The following ADAMTS17 variants were observed in gnomAD, a reference collection of about 807,000 sequenced individuals.
The protein encoded by ADAMTS17 is A disintegrin and metalloproteinase with thrombospondin motifs 17.
In ADAMTS17, 113 loss-of-function variants were observed where a neutral mutation model predicts 141.5. The ratio of observed to expected loss-of-function variants is 0.80; its 90% CI spans 0.69 to 0.93. The LOEUF (loss-of-function observed/expected upper bound fraction) is 0.93, where lower values mean the gene tolerates loss of function less well. Among genes scored for constraint, ADAMTS17 ranks in the 40% least tolerant of loss-of-function variants. The probability of loss-of-function intolerance (pLI) is 0.00; values close to 1 mark genes in which losing one functional copy is unlikely to be tolerated. For missense variants in ADAMTS17, 1,659 were observed against 1,517.9 expected, an observed-to-expected ratio of 1.09 and a Z score of -1.54; for synonymous variants, 768 against 630.6, an observed-to-expected ratio of 1.22 and a Z score of -3.27.
chr15:100,165,791 G>A lies in ADAMTS17; in HGVS notation c.1182-10471C>T, dbSNP rs143379770. On this transcript the variant is annotated intron_variant, in intron 8 of 21. Coordinates refer to ENST00000268070, the MANE Select transcript of ADAMTS17 (RefSeq NM_139057.4). ...GATATGAGGGAACAAAGCCAGTTCA[G>A]GTGAAAAGGCTGTAGGATGTTAAGA... 3.4e-3 allele frequency among the ~76,000 whole-genome samples: 523 copies of A among 152,278 alleles called. 4 individuals are homozygous for A. Among genetic ancestry groups the A allele is most frequent in the African/African-American group, 0.012 (501 of 41,540 alleles).
intron 12 of ADAMTS17, among the ~76,000 whole-genome samples, chr15:100,129,948 G>C (rs2037950562): frequency 1.3e-5 from 2 of 152,144 alleles, no homozygotes. Flanking sequence ...TTCTTCACGA[G>C]GCCAGAGGTC....
chr15:100,309,626 C>T (rs907764220), intron 3 of ADAMTS17, among the ~76,000 whole-genome samples: 53 of 152,210 alleles, frequency 3.5e-4, no homozygotes, highest in African/African-American at 1.1e-3. Flanking sequence ...ATGTGGACAA[C>T]GTACAAAGGC....
chr15:100,082,283 C>T (rs899410330), intron 15 of ADAMTS17, among the ~76,000 whole-genome samples: 3 of 152,126 alleles, frequency 2.0e-5, no homozygotes, highest in African/African-American at 7.2e-5. Flanking sequence ...CCAGGATGGT[C>T]TCCATCTCTT....
intron 21 of ADAMTS17, among the ~76,000 whole-genome samples, chr15:99,975,658 C>T (rs2060307065): frequency 6.6e-6 from 1 of 152,198 alleles, no homozygotes; most frequent in African/African-American, 2.4e-5. Context: ...AAGCATCAGC[C>T]TGGGGTGTGC....
intron 4 of ADAMTS17, among the ~76,000 whole-genome samples, chr15:100,275,853 A>T (rs1171595158): frequency 3.3e-5 from 5 of 149,754 alleles, no homozygotes; most frequent in Non-Finnish European, 5.9e-5. Flanking sequence ...TTGATGCCAA[A>T]TTCTCCCAGC....
At chr15:99,974,602 GCCTAGGCATGT>G (rs1424777622) in intron 21 of ADAMTS17, 40 bp from the exon 22 acceptor site, 9 of 1,613,296 alleles carry the variant, frequency 5.6e-6, no homozygotes, top group Non-Finnish European at 7.6e-6. Context: ...GTCAGGGATG[GCCTAGGCATGT>G]CCTGATGCAG....
At chr15:100,282,945 A>G (rs2044332572) in intron 3 of ADAMTS17, among the ~76,000 whole-genome samples, 1 of 152,222 alleles carries the variant, frequency 6.6e-6, no homozygotes, top group African/African-American at 2.4e-5. Context: ...GAAAATAAAT[A>G]CTAAAACACC....
chr15:99,973,981 C>G lies in ADAMTS17; in HGVS notation c.*421G>C, dbSNP rs886050968. On this transcript the variant is annotated 3_prime_UTR_variant, in exon 22 of 22. Transcript: ENST00000268070. Reference sequence around the variant, plus strand: ...ACCTGCCCCTCCCTCCATGGTGTCGCCGGCTTTCAGAATAAAGCCTTTTCT... The same window carrying G: ...ACCTGCCCCTCCCTCCATGGTGTCGGCGGCTTTCAGAATAAAGCCTTTTCT... The G allele has an allele frequency of 2.8e-5, 5 of 180,500 alleles. No individual in the cohort carries two copies. 11.2% of individuals were successfully genotyped at this position (180,500 alleles called of 1,614,324 possible).
intron 10 of ADAMTS17, among the ~76,000 whole-genome samples, chr15:100,145,434 A>G (rs1293382259): frequency 6.6e-6 from 1 of 152,224 alleles, no homozygotes; most frequent in Non-Finnish European, 1.5e-5. Context: ...ATATTAAAGA[A>G]GGCCAACATT....
chr15:100,092,455 T>C (rs958242045), intron 15 of ADAMTS17, among the ~76,000 whole-genome samples: 1 of 152,246 alleles, frequency 6.6e-6, no homozygotes, highest in Non-Finnish European at 1.5e-5. Flanking sequence ...GAACAGCCTC[T>C]GCCATCACAC....
intron 15 of ADAMTS17, among the ~76,000 whole-genome samples, chr15:100,094,713 C>T (rs11247149): frequency 0.79 from 120,953 of 152,152 alleles, 48,272 homozygotes; most frequent in East Asian, 0.97. Flanking sequence ...CAAAGGGTTC[C>T]AATGCTTCCA....
chr15:100,005,813 C>T (rs796887735), intron 18 of ADAMTS17, among the ~76,000 whole-genome samples: 6 of 152,250 alleles, frequency 3.9e-5, no homozygotes, highest in African/African-American at 1.4e-4. Context: ...GTTTTGGAGG[C>T]CAGAAGTCCA....
At chr15:100,145,274 T>C (rs2038846568) in intron 10 of ADAMTS17, among the ~76,000 whole-genome samples, 1 of 152,204 alleles carries the variant, frequency 6.6e-6, no homozygotes, top group Non-Finnish European at 1.5e-5. Context: ...CTTGGGAACA[T>C]GAATGGTGTT....
At chr15:100,020,984 T>A (rs2061397099) in intron 18 of ADAMTS17, among the ~76,000 whole-genome samples, 1 of 152,152 alleles carries the variant, frequency 6.6e-6, no homozygotes, top group African/African-American at 2.4e-5. Context: ...CACTTCTCTA[T>A]CTCCTTCCTC....
chr15:100,252,723 T>G (rs1435349733), intron 7 of ADAMTS17, among the ~76,000 whole-genome samples: 1 of 152,204 alleles, frequency 6.6e-6, no homozygotes, highest in South Asian at 2.1e-4. Context: ...AATTCCCTCA[T>G]GGAGACAGCC....
chr15:100,132,525 TGA>T (rs1207098612), intron 11 of ADAMTS17, among the ~76,000 whole-genome samples: 1 of 152,246 alleles, frequency 6.6e-6, no homozygotes, highest in African/African-American at 2.4e-5. Context: ...GTTGTGAACC[TGA>T]GAGTTGTGTT....
Position 100,153,978 on chromosome 15 carries a change from C to T in ADAMTS17, c.1322+1202G>A, listed in dbSNP as rs182668048. 5.2e-3 allele frequency among the ~76,000 whole-genome samples: 794 copies of T among 152,276 alleles called. 7 individuals carry two copies. Among genetic ancestry groups the T allele is most frequent in the African/African-American group, 0.018 (768 of 41,550 alleles). ...GGCAGATCACCTCGGATCAGGAGTTCGAGGCCAGCCTGGCCAACATGGCGA... is the reference window on the plus strand; with the variant it reads ...GGCAGATCACCTCGGATCAGGAGTTTGAGGCCAGCCTGGCCAACATGGCGA... On this transcript the variant is annotated intron_variant, in intron 9 of 21. Transcript: ENST00000268070.
At chr15:100,051,464 G>T in intron 17 of ADAMTS17, 108 bp downstream of exon 17, 1 of 1,485,908 alleles carries the variant, frequency 6.7e-7, no homozygotes, top group South Asian at 1.1e-5. Flanking sequence ...AATTCCCATG[G>T]AGCTACAGGT....
At chr15:100,038,050 A>C (rs1008727127) in intron 18 of ADAMTS17, among the ~76,000 whole-genome samples, 1 of 152,176 alleles carries the variant, frequency 6.6e-6, no homozygotes, top group African/African-American at 2.4e-5. Flanking sequence ...GTGTGAGCCA[A>C]TGCGCCCCAC....
Sources: gnomAD v4.1 joint callset for allele counts (sites outside exome capture counted in the v4.1 genomes callset) on GRCh38, gnomAD v4.1.1 for gene constraint, MANE v1.5 for transcripts, NCBI Gene and HGNC (gene_info 2026-07-23, HGNC 2026-07-21) for gene names.